Variants in OPHN1 observed in about 807,000 individuals in gnomAD.
The protein encoded by OPHN1 is oligophrenin 1, also known as oligophrenin-1.
A neutral mutation model predicts 60.7 loss-of-function variants in OPHN1; 11 were observed. The ratio of observed to expected loss-of-function variants is 0.18; its 90% CI spans 0.11 to 0.30. The LOEUF (loss-of-function observed/expected upper bound fraction) is 0.30. OPHN1 is among the 10% of genes least tolerant of loss of function. OPHN1 has a pLI of 1.00. For missense variants in OPHN1, 449 were observed against 611.0 expected (o/e 0.73, Z 2.80); for synonymous variants, 226 against 222.6 (o/e 1.02, Z -0.14).
intron 2 of OPHN1, among the ~76,000 whole-genome samples, chrX:68,319,379 C>A (rs926579372): frequency 1.8e-5 from 2 of 111,147 alleles, no homozygotes; most frequent in Non-Finnish European, 3.8e-5. Flanking sequence ...TGAAGAAAAT[C>A]TTTAGATCCT....
chrX:68,376,736 T>A (rs1445997778), intron 2 of OPHN1, among the ~76,000 whole-genome samples: 1 of 111,366 alleles, frequency 9.0e-6, no homozygotes, highest in Non-Finnish European at 1.9e-5. Flanking sequence ...TTGTACCAAC[T>A]GTGCTTTGTG....
chrX:68,161,523 C>A (rs912734921), intron 15 of OPHN1, among the ~76,000 whole-genome samples: 3 of 110,418 alleles, frequency 2.7e-5, no homozygotes, highest in Admixed American at 1.9e-4. Context: ...AGTCAAAGGT[C>A]AATTAAATAC....
intron 15 of OPHN1, among the ~76,000 whole-genome samples, chrX:68,120,513 A>T (rs1043606225): frequency 8.9e-6 from 1 of 112,266 alleles, no homozygotes; most frequent in Non-Finnish European, 1.9e-5. Flanking sequence ...ATGAAAAAAT[A>T]GTCCATGTTC....
chrX:68,323,036 C>T (rs757003708), intron 2 of OPHN1, among the ~76,000 whole-genome samples: 1 of 110,910 alleles, frequency 9.0e-6, no homozygotes, highest in Middle Eastern at 4.7e-3. Context: ...AGTGTGTGGG[C>T]GTGAATATAA....
chrX:68,388,574 C>A (rs1291770731), intron 2 of OPHN1, among the ~76,000 whole-genome samples: 1 of 111,013 alleles, frequency 9.0e-6, no homozygotes, highest in Non-Finnish European at 1.9e-5. Flanking sequence ...TATTGAGTGT[C>A]TGATCAGATG....
At chrX:68,262,557 G>A (rs2147568140) in intron 5 of OPHN1, among the ~76,000 whole-genome samples, 1 of 112,184 alleles carries the variant, frequency 8.9e-6, no homozygotes, top group Non-Finnish European at 1.9e-5. Context: ...GCCAAGGTGG[G>A]TGGATCACCT....
intron 2 of OPHN1, among the ~76,000 whole-genome samples, chrX:68,361,813 A>G (rs1193375494): frequency 1.8e-5 from 2 of 111,835 alleles, no homozygotes; most frequent in Admixed American, 1.9e-4. Flanking sequence ...TACTGTATTC[A>G]ATAATGGCCA....
chrX:68,264,438 T>A (rs2077911502), intron 5 of OPHN1, among the ~76,000 whole-genome samples: 1 of 111,211 alleles, frequency 9.0e-6, no homozygotes, highest in Admixed American at 9.5e-5. Flanking sequence ...CATCAAAAAG[T>A]GAGCAAAGGA....
chrX:68,175,646 G>C (rs924744618), intron 15 of OPHN1, among the ~76,000 whole-genome samples: 13 of 111,182 alleles, frequency 1.2e-4, no homozygotes, highest in Non-Finnish European at 2.4e-4. Flanking sequence ...TTTGCATATA[G>C]GACACATCTC....
intron 2 of OPHN1, among the ~76,000 whole-genome samples, chrX:68,375,084 C>T: frequency 8.9e-6 from 1 of 112,368 alleles, no homozygotes; most frequent in Non-Finnish European, 1.9e-5. Flanking sequence ...TAAACATGTA[C>T]ATATATGAGC....
At chrX:68,218,308 G>A (rs1210846599) in intron 6 of OPHN1, among the ~76,000 whole-genome samples, 4 of 107,172 alleles carry the variant, frequency 3.7e-5, no homozygotes, top group African/African-American at 6.8e-5. Context: ...TCTGATTGGT[G>A]TACCTGAAAG....
At chrX:68,222,865 C>A (rs1440286617) in intron 6 of OPHN1, among the ~76,000 whole-genome samples, 1 of 87,988 alleles carries the variant, frequency 1.1e-5, no homozygotes, top group Non-Finnish European at 2.2e-5. Flanking sequence ...AGCCATGGCA[C>A]ATGTATACAT....
chrX:68,156,069 A>G (rs2077307839), intron 15 of OPHN1, among the ~76,000 whole-genome samples: 1 of 111,551 alleles, frequency 9.0e-6, no homozygotes, highest in Non-Finnish European at 1.9e-5. Context: ...TCAGTTCAAA[A>G]TATAACCATG....
chrX:68,181,752 T>TG (rs1447687756), intron 15 of OPHN1, among the ~76,000 whole-genome samples: 1 of 111,780 alleles, frequency 8.9e-6, no homozygotes, highest in East Asian at 2.8e-4. Context: ...TGCTTGAACC[T>TG]GGGAGGCAGA....
chrX:68,330,567 G>A (rs1449244413), intron 2 of OPHN1, among the ~76,000 whole-genome samples: 1 of 110,745 alleles, frequency 9.0e-6, no homozygotes, highest in Non-Finnish European at 1.9e-5. Context: ...GGGAGGCTGA[G>A]GCAGGAGGAT....
intron 6 of OPHN1, among the ~76,000 whole-genome samples, chrX:68,228,712 C>A (rs747045342): frequency 9.0e-6 from 1 of 111,116 alleles, no homozygotes; most frequent in Non-Finnish European, 1.9e-5. Context: ...AATTCAACAG[C>A]CATTCATGCT....
At chrX:68,334,778 C>A (rs2078313626) in intron 2 of OPHN1, among the ~76,000 whole-genome samples, 2 of 110,103 alleles carry the variant, frequency 1.8e-5, no homozygotes, top group Non-Finnish European at 3.8e-5. Flanking sequence ...GAGTTTGAGA[C>A]CAGCTTGGGC....
intron 19 of OPHN1, among the ~76,000 whole-genome samples, chrX:68,076,537 T>C (rs1000619961): frequency 8.9e-6 from 1 of 111,792 alleles, no homozygotes; most frequent in African/African-American, 3.2e-5. Context: ...CCACCAAACA[T>C]ATACAGAATT....
At chrX:68,142,264 T>C (rs534851677) in intron 15 of OPHN1, among the ~76,000 whole-genome samples, 5 of 112,553 alleles carry the variant, frequency 4.4e-5, no homozygotes, top group South Asian at 7.4e-4. Context: ...ATAGGTGTTA[T>C]ATAAATGTAA....
Sources: gnomAD v4.1 joint callset for allele counts (sites outside exome capture counted in the v4.1 genomes callset) on GRCh38, gnomAD v4.1.1 for gene constraint, MANE v1.5 for transcripts, NCBI Gene and HGNC (gene_info 2026-07-23, HGNC 2026-07-21) for gene names.